Variants in TMEM132D observed in about 807,000 individuals in gnomAD.
TMEM132D encodes mature OL transmembrane protein.
A neutral mutation model predicts 62.3 loss-of-function variants in TMEM132D; 21 were observed. That is an observed-to-expected ratio of 0.34 (90% CI 0.24 to 0.49). TMEM132D has a LOEUF of 0.49. TMEM132D is among the 20% of genes least tolerant of loss of function. TMEM132D has a pLI of 0.99. For missense variants in TMEM132D, 1,346 were observed against 1,402.8 expected (o/e 0.96, Z 0.65); for synonymous variants, 621 against 575.6 (o/e 1.08, Z -1.13).
intron 3 of TMEM132D, among the ~76,000 whole-genome samples, chr12:129,409,273 C>G (rs775911429): frequency 4.6e-5 from 7 of 152,102 alleles, no homozygotes; most frequent in African/African-American, 7.2e-5. Flanking sequence ...TTACATAGGT[C>G]TGTCTGTATT....
chr12:129,412,216 C>T (rs10744414), intron 3 of TMEM132D, among the ~76,000 whole-genome samples: 107,877 of 151,988 alleles, frequency 0.71, 38,740 homozygotes, highest in East Asian at 0.89. Flanking sequence ...GACAATATGA[C>T]GGGATATGAT....
intron 1 of TMEM132D, among the ~76,000 whole-genome samples, chr12:129,745,126 C>A (rs2137262257): frequency 6.6e-6 from 1 of 152,170 alleles, no homozygotes; most frequent in East Asian, 1.9e-4. Context: ...GCCTGCCCAG[C>A]TGTGTGGAAC....
intron 5 of TMEM132D, among the ~76,000 whole-genome samples, chr12:129,105,513 T>C (rs1242328362): frequency 7.0e-6 from 1 of 142,620 alleles, no homozygotes; most frequent in South Asian, 2.2e-4. Flanking sequence ...CTGCACAATG[T>C]GCACATGTAC....
At chr12:129,189,568 C>T (rs1878325612) in intron 5 of TMEM132D, among the ~76,000 whole-genome samples, 1 of 152,060 alleles carries the variant, frequency 6.6e-6, no homozygotes, top group Non-Finnish European at 1.5e-5. Context: ...TGCATCTGAC[C>T]CAGGGTGCGT....
chr12:129,348,574 G>A (rs1007619663), intron 3 of TMEM132D, among the ~76,000 whole-genome samples: 2 of 152,036 alleles, frequency 1.3e-5, no homozygotes, highest in African/African-American at 4.8e-5. Flanking sequence ...GGTAAGGGAA[G>A]GGAGAGCATG....
At chr12:129,182,233 G>A (rs532544753) in intron 5 of TMEM132D, among the ~76,000 whole-genome samples, 2 of 152,290 alleles carry the variant, frequency 1.3e-5, no homozygotes, top group African/African-American at 2.4e-5. Context: ...GTGCAGTGGT[G>A]CACACCTATA....
intron 2 of TMEM132D, among the ~76,000 whole-genome samples, chr12:129,567,660 T>G (rs559325974): frequency 1.3e-4 from 20 of 152,280 alleles, no homozygotes; most frequent in Admixed American, 1.2e-3. Flanking sequence ...TCACAGTGAT[T>G]TTCTTTTGGG....
chr12:129,571,400 T>C (rs767079763), intron 2 of TMEM132D, among the ~76,000 whole-genome samples: 1 of 151,828 alleles, frequency 6.6e-6, no homozygotes, highest in Non-Finnish European at 1.5e-5. Flanking sequence ...CCTGTCTCTA[T>C]GGAAAATACA....
chr12:129,716,942 G>A (rs1423925354), intron 1 of TMEM132D, among the ~76,000 whole-genome samples: 1 of 152,224 alleles, frequency 6.6e-6, no homozygotes, highest in Non-Finnish European at 1.5e-5. Flanking sequence ...TTTAGCGTCT[G>A]TAGGTAGAAA....
At chr12:129,685,942 G>A (rs1880904493) in intron 2 of TMEM132D, among the ~76,000 whole-genome samples, 1 of 152,136 alleles carries the variant, frequency 6.6e-6, no homozygotes, top group Non-Finnish European at 1.5e-5. Context: ...CCTTTGTTTT[G>A]ACCAGTTTCT....
In TMEM132D at chr12:129,791,110, A is replaced by G. The variant is rs73429386; in HGVS notation, c.80-90412T>C. Among the ~76,000 whole-genome samples the G allele has an allele frequency of 7.1e-3, 1,080 of 152,316 alleles. 11 individuals carry two copies. The highest frequency in any genetic ancestry group is 0.025 in the African/African-American group (1,025 of 41,582). On this transcript the variant is annotated intron_variant, in intron 1 of 8. Coordinates refer to ENST00000422113, the MANE Select transcript of TMEM132D (RefSeq NM_133448.3). ...AGTTTAATGTCAATTGCATACATTTATTTAATTTCAATAGCTTGCATAATG... is the reference window on the plus strand; with the variant it reads ...AGTTTAATGTCAATTGCATACATTTGTTTAATTTCAATAGCTTGCATAATG...
chr12:129,459,266 G>A (rs539516440), intron 3 of TMEM132D, among the ~76,000 whole-genome samples: 31 of 152,248 alleles, frequency 2.0e-4, no homozygotes, highest in Admixed American at 7.9e-4. Context: ...TATCAAGAAA[G>A]CATTTGTTTT....
At chr12:129,262,890 C>T (rs12315139) in intron 4 of TMEM132D, 6,841 of 152,446 alleles carry the variant, frequency 0.045, 350 homozygotes, top group East Asian at 0.27. Context: ...CCTACCCTCC[C>T]CTACCCTGTT....
intron 5 of TMEM132D, among the ~76,000 whole-genome samples, chr12:129,199,629 G>GA (rs1878643196): frequency 6.6e-6 from 1 of 152,130 alleles, no homozygotes; most frequent in African/African-American, 2.4e-5. Flanking sequence ...AATTTATAAT[G>GA]AAAAAGAGGT....
At chr12:129,787,461 C>T (rs1297715623) in intron 1 of TMEM132D, among the ~76,000 whole-genome samples, 1 of 152,178 alleles carries the variant, frequency 6.6e-6, no homozygotes, top group Non-Finnish European at 1.5e-5. Flanking sequence ...TTAATGGAAA[C>T]ATTGCACTTA....
intron 2 of TMEM132D, among the ~76,000 whole-genome samples, chr12:129,619,536 C>G (rs867828585): frequency 6.6e-6 from 1 of 152,206 alleles, no homozygotes; most frequent in South Asian, 2.1e-4. Context: ...TCATTTGTCT[C>G]GGGTTATCCA....
chr12:129,131,425 G>A (rs998414636), intron 5 of TMEM132D, among the ~76,000 whole-genome samples: 7 of 152,112 alleles, frequency 4.6e-5, no homozygotes, highest in African/African-American at 1.7e-4. Context: ...TGGCCAACAT[G>A]GGGAAACCCC....
At chr12:129,298,799 A>G (rs1881637318) in intron 4 of TMEM132D, among the ~76,000 whole-genome samples, 1 of 152,196 alleles carries the variant, frequency 6.6e-6, no homozygotes, top group African/African-American at 2.4e-5. Context: ...ATAGAGAGCC[A>G]AAGAAGGAGA....
At chr12:129,092,560 G>T (rs1057239166) in intron 5 of TMEM132D, among the ~76,000 whole-genome samples, 9 of 152,060 alleles carry the variant, frequency 5.9e-5, no homozygotes, top group Non-Finnish European at 1.3e-4. Flanking sequence ...GCCAGGCTTG[G>T]TGGCGGCGCC....
Sources: allele counts gnomAD v4.1 joint callset (sites outside exome capture counted in the v4.1 genomes callset), GRCh38; gene constraint gnomAD v4.1.1; transcripts MANE v1.5; gene names NCBI Gene and HGNC (gene_info 2026-07-23, HGNC 2026-07-21).